UCN3: variants seen among roughly 807,000 people sequenced by gnomAD.
UCN3 encodes the protein urocortin-3.
Under a neutral mutation model 3.6 loss-of-function variants are expected in UCN3, and 3 were observed. The ratio of observed to expected loss-of-function variants is 0.83; its 90% confidence interval spans 0.38 to 2.15. UCN3 has a LOEUF of 2.15. UCN3 is among the 30% of genes most tolerant of loss of function. The probability of loss-of-function intolerance (pLI) is 0.06; values close to 1 mark genes in which losing one functional copy is unlikely to be tolerated. For missense variants in UCN3, 206 were observed against 208.3 expected (o/e 0.99, Z 0.07); for synonymous variants, 100 against 93.2 (o/e 1.07, Z -0.42).
At chr10:5,370,883 G>GTGTGTATA (rs1831409924) in intron 1 of UCN3, among the ~76,000 whole-genome samples, 4 of 85,580 alleles carry the variant, frequency 4.7e-5, no homozygotes, top group Non-Finnish European at 8.4e-5. Flanking sequence ...GTGTGTATAT[G>GTGTGTATA]CGTGTGTATA....
intron 1 of UCN3, among the ~76,000 whole-genome samples, chr10:5,370,915 A>ATATGAGTGTGTATATGTGTGTGTT (rs1564443816): frequency 2.0e-5 from 2 of 101,028 alleles, no homozygotes; most frequent in African/African-American, 3.1e-5. Flanking sequence ...ATGCGTGTGT[A>ATATGAGTGTGTATATGTGTGTGTT]TATGCGTGTG....
In UCN3 at chr10:5,370,175, A is replaced by ATATGCGTGTGTGTATGCGTGTGTG. The variant is rs1564442470; in HGVS notation, c.-6-3529_-6-3528insGTATGCGTGTGTGTATGCGTGTGT. On this transcript the variant is annotated intron_variant, in intron 1 of 1. Transcript: ENST00000380433. Reference sequence around the variant, plus strand: ...TATATGTGTGTGTATATGTGTGTGTATATGCGTGTGTATATGCGTGTGTAT... The same window carrying ATATGCGTGTGTGTATGCGTGTGTG: ...TATATGTGTGTGTATATGTGTGTGTATATGCGTGTGTGTATGCGTGTGTGTATGCGTGTGTATATGCGTGTGTAT... Among the ~76,000 whole-genome samples, 11 of 48,776 alleles carry ATATGCGTGTGTGTATGCGTGTGTG rather than the reference A, an allele frequency of 2.3e-4. 1 individual carries two copies. Among genetic ancestry groups the ATATGCGTGTGTGTATGCGTGTGTG allele is most frequent in the Non-Finnish European group, 3.5e-4 (10 of 28,550 alleles). 32.0% of individuals were successfully genotyped at this position (48,776 alleles called of 152,430 possible). A position where few individuals can be genotyped will look rare whatever the true frequency, so the allele number is the denominator to read the frequency against.
intron 1 of UCN3, among the ~76,000 whole-genome samples, chr10:5,371,064 CGT>C (rs1300827290): frequency 3.0e-5 from 4 of 134,722 alleles, no homozygotes; most frequent in East Asian, 2.2e-4. Context: ...TATGTATGTA[CGT>C]GTGAGGTGTG....
chr10:5,370,796 T>C lies in UCN3; in HGVS notation c.-6-2919T>C, dbSNP rs1391773902. Among the ~76,000 whole-genome samples the C allele has an allele frequency of 1.2e-4, 17 of 143,614 alleles. 1 individual carries two copies. Among genetic ancestry groups the C allele is most frequent in the African/African-American group, 4.4e-4 (16 of 36,584 alleles). The allele number at this position is 143,614 out of a possible 152,430, so 94.2% of individuals were successfully genotyped here. A position where few individuals can be genotyped will look rare whatever the true frequency, so the allele number is the denominator to read the frequency against. On this transcript the variant is annotated intron_variant, in intron 1 of 1. Transcript: ENST00000380433. ...GTATATGCGTGTGTGTGTGTATGCGTGTGTATATGTGTGTGTGCGTGTGTG... is the reference window on the plus strand; with the variant it reads ...GTATATGCGTGTGTGTGTGTATGCGCGTGTATATGTGTGTGTGCGTGTGTG...
rs1298674026 is a variant in UCN3 at position 5,370,385 on chromosome 10, A to ATGTGTGTG, written c.-6-3328_-6-3327insTGTGTGTG. ...TATATGCGTGTGTATATGCGTGTAT[A>ATGTGTGTG]TGCGTGTGTATATGTGTGTGTATAT... On this transcript the variant is annotated intron_variant, in intron 1 of 1. Coordinates refer to ENST00000380433, the MANE Select transcript of UCN3 (RefSeq NM_053049.4). Among the ~76,000 whole-genome samples, 8 of 53,894 alleles carry ATGTGTGTG rather than the reference A, an allele frequency of 1.5e-4. 2 individuals are homozygous for ATGTGTGTG. The highest frequency in any genetic ancestry group is 6.5e-4 in the African/African-American group (6 of 9,208). 35.4% of individuals were successfully genotyped at this position (53,894 alleles called of 152,430 possible).
At chr10:5,369,531 T>C (rs1251908679) in intron 1 of UCN3, among the ~76,000 whole-genome samples, 1 of 152,124 alleles carries the variant, frequency 6.6e-6, no homozygotes, top group Admixed American at 6.5e-5. Flanking sequence ...AATAAGGAAA[T>C]AAGGACGAAG....
intron 1 of UCN3, among the ~76,000 whole-genome samples, chr10:5,370,689 G>T (rs1468385701): frequency 9.9e-6 from 1 of 100,856 alleles, no homozygotes; most frequent in Non-Finnish European, 1.9e-5. Flanking sequence ...GTGTGTGTAT[G>T]TGTGTATATG....
At chr10:5,370,356 TGTGTATATGC>T (rs1831358048) in intron 1 of UCN3, among the ~76,000 whole-genome samples, 1 of 91,102 alleles carries the variant, frequency 1.1e-5, no homozygotes, top group Non-Finnish European at 2.1e-5. Context: ...TGTATATGTG[TGTGTATATGC>T]GTGTGTATAT....
rs143428753 is a variant in UCN3 at position 5,373,732 on chromosome 10, G to T, written c.12G>T (p.Pro4=). 6.2e-7 allele frequency: 1 copy of T among 1,613,390 alleles called. No homozygotes were observed. The change falls in exon 2 of 2, where the codon CCG becomes CCT. Residue 4 remains proline (P), a synonymous_variant. Coordinates refer to ENST00000380433, the MANE Select transcript of UCN3 (RefSeq NM_053049.4). The part of the protein sequence containing the change: MLM[P]VHFLLLLLLL... ...TGCTGCAGGGAGAGATGCTGATGCCGGTCCACTTCCTGCTGCTCCTGCTGC... is the reference window on the plus strand; with the variant it reads ...TGCTGCAGGGAGAGATGCTGATGCCTGTCCACTTCCTGCTGCTCCTGCTGC...
At position 5,366,409 on chromosome 10, in the gene UCN3, G is replaced by A. The variant is rs892632988; in HGVS notation, c.-7+1179G>A. On this transcript the variant is annotated intron_variant, in intron 1 of 1. Transcript: ENST00000380433. This position sits in a 1 kb window ranked among gnomAD's most constrained non-coding sequence, Gnocchi z 4.2. ...CCAGTTATTTTCGTGGCAGACTGCA[G>A]AGAAATCTTAAACTTTTGTGCTGTT... 7.2e-5 allele frequency among the ~76,000 whole-genome samples: 11 copies of A among 152,202 alleles called. No individual in the cohort carries two copies. Among genetic ancestry groups the A allele is most frequent in the South Asian group, 2.1e-4 (1 of 4,834 alleles).
chr10:5,370,927 A>ATATGTGTGTGTTTATGTGTGTG (rs1564443841), intron 1 of UCN3, among the ~76,000 whole-genome samples: 12 of 131,176 alleles, frequency 9.1e-5, no homozygotes, highest in Admixed American at 1.6e-4. Flanking sequence ...ATGCGTGTGT[A>ATATGTGTGTGTTTATGTGTGTG]TATGTGTGTT....
chr10:5,373,698 C>T lies in UCN3; in HGVS notation c.-6-17C>T. 1 of 1,610,314 alleles carries T rather than the reference C, an allele frequency of 6.2e-7. No individual in the cohort carries two copies. Among genetic ancestry groups the T allele is most frequent in the East Asian group, 2.2e-5 (1 of 44,800 alleles). ...CCCCTCCCATGCCCCTGCCCACATC[C>T]CTCTTTTCTGCTGCAGGGAGAGATG... is the stretch of plus-strand genomic sequence containing the variant. On this transcript the variant is annotated splice_polypyrimidine_tract_variant and intron_variant, in intron 1 of 1. Transcript: ENST00000380433.
intron 1 of UCN3, among the ~76,000 whole-genome samples, chr10:5,370,688 T>TATGATGG (rs1564443384): frequency 7.0e-5 from 5 of 71,060 alleles, no homozygotes; most frequent in Admixed American, 3.7e-4. Context: ...TGTGTGTGTA[T>TATGATGG]GTGTGTATAT....
rs782112339 is a variant in UCN3 at position 5,373,921 on chromosome 10, C to G, written c.201C>G (p.Ala67=). The G allele has an allele frequency of 6.2e-7, 1 of 1,613,526 alleles. No homozygotes were observed. Among genetic ancestry groups the G allele is most frequent in the South Asian group, 1.1e-5 (1 of 91,008 alleles). ...TCCACTACCTGCGCAGCAGAGACGC[C>G]TCTTCGGGAGAGGAGGAGGAGGGCA... ...RSFHYLRSRD[A]SSGEEEEGKE... is the part of the protein sequence containing the mutation. The change falls in exon 2 of 2, where the codon GCC becomes GCG. Residue 67 remains alanine (A), a synonymous_variant. Coordinates refer to ENST00000380433, the MANE Select transcript of UCN3 (RefSeq NM_053049.4).
intron 1 of UCN3, among the ~76,000 whole-genome samples, chr10:5,369,055 G>A (rs1231134374): frequency 6.6e-6 from 1 of 152,192 alleles, no homozygotes; most frequent in African/African-American, 2.4e-5. Flanking sequence ...GGCTGTGTTT[G>A]AACCGCGCCT....
At chr10:5,370,213 G>A (rs797023211) in intron 1 of UCN3, among the ~76,000 whole-genome samples, 3 of 84,674 alleles carry the variant, frequency 3.5e-5, no homozygotes, top group African/African-American at 5.7e-5. Flanking sequence ...GCGTGTGTAT[G>A]TGTGTGTATG....
chr10:5,373,485 C>G (rs1375677818), intron 1 of UCN3, among the ~76,000 whole-genome samples: 1 of 152,176 alleles, frequency 6.6e-6, no homozygotes, highest in Non-Finnish European at 1.5e-5. Flanking sequence ...TGTTAGAACA[C>G]AGGCAGCTGG....
chr10:5,373,822 C>T lies in UCN3; in HGVS notation c.102C>T (p.Ser34=). ...TCTACAAAGCCAAGCCCATCTTCAG[C>T]TGCCTCAACACCGCCCTGTCTGAGG... ...HKFYKAKPIF[S]CLNTALSEAE... The change falls in exon 2 of 2, where the codon AGC becomes AGT. Residue 34 remains serine (S), a synonymous_variant. Transcript: ENST00000380433. 3 of 1,614,126 alleles carry T rather than the reference C, an allele frequency of 1.9e-6. No individual in the cohort carries two copies. Among genetic ancestry groups the T allele is most frequent in the Non-Finnish European group, 2.5e-6 (3 of 1,180,004 alleles).
chr10:5,373,624 A>T (rs1285601892), intron 1 of UCN3, 91 bp from the exon 2 acceptor site: 7 of 1,520,192 alleles, frequency 4.6e-6, no homozygotes, highest in Non-Finnish European at 4.4e-6. Flanking sequence ...GTAGTGGAAC[A>T]TTAACAACAC....
Sources: gnomAD v4.1 joint callset for allele counts (sites outside exome capture counted in the v4.1 genomes callset) on GRCh38, gnomAD v4.1.1 for gene constraint, Gnocchi (gnomAD v3.1) non-coding constraint, MANE v1.5 for transcripts, NCBI Gene and HGNC (gene_info 2026-07-23, HGNC 2026-07-21) for gene names.